Variants in CTBP2 observed in about 807,000 individuals in gnomAD.
CTBP2 encodes the protein C-terminal-binding protein 2.
A neutral mutation model predicts 80.3 loss-of-function variants in CTBP2; 30 were observed. That is an observed-to-expected ratio of 0.37 (90% CI 0.28 to 0.51). CTBP2 has a LOEUF of 0.51. Among genes scored for constraint, CTBP2 ranks in the 20% least tolerant of loss-of-function variants. CTBP2 has a pLI of 0.93. For synonymous variants in CTBP2, 594 were observed against 587.4 expected, an observed-to-expected ratio of 1.01 and a Z score of -0.16; for missense variants, 1,212 against 1,375.3, an observed-to-expected ratio of 0.88 and a Z score of 1.88.
chr10:125,045,431 CTA>C (rs35126176), intron 2 of CTBP2, among the ~76,000 whole-genome samples: 10,170 of 152,168 alleles, frequency 0.067, 451 homozygotes, highest in South Asian at 0.18. Context: ...GTCTGACTTC[CTA>C]TACACTACCA....
intron 6 of CTBP2, among the ~76,000 whole-genome samples, chr10:124,993,625 C>T (rs576268141): frequency 6.6e-6 from 1 of 152,230 alleles, no homozygotes; most frequent in South Asian, 2.1e-4. Context: ...CACTGCCACA[C>T]CCCCACCAAT....
At chr10:124,992,303 C>T (rs1173466898) in intron 8 of CTBP2, among the ~76,000 whole-genome samples, 6 of 145,150 alleles carry the variant, frequency 4.1e-5, no homozygotes, top group African/African-American at 7.6e-5. Context: ...TGGGTGATCT[C>T]GGCTCACTGC....
chr10:125,082,619 G>A (rs957488222), intron 2 of CTBP2, among the ~76,000 whole-genome samples: 1 of 122,986 alleles, frequency 8.1e-6, no homozygotes, highest in Non-Finnish European at 1.6e-5. Flanking sequence ...AAACAGTCTT[G>A]CTCTGTCGCC....
intron 1 of CTBP2, among the ~76,000 whole-genome samples, chr10:125,112,630 T>C (rs1259142230): frequency 5.9e-5 from 9 of 151,700 alleles, no homozygotes; most frequent in South Asian, 2.1e-4. Context: ...GGTTTCACCA[T>C]GTTGGTCAGG....
rs111673946 is a variant in CTBP2 at position 125,116,447 on chromosome 10, G to GC, written c.-205-5355dup. On this transcript the variant is annotated intron_variant, in intron 1 of 10. Coordinates refer to the CTBP2 transcript ENST00000337195. ...TGTCCCACCCTTCTCCCCACACTCT[G>GC]CCCCTCCTCCCAACACTCTGGCCCC... Among the ~76,000 whole-genome samples the GC allele has an allele frequency of 6.8e-3, 1,039 of 152,108 alleles. 12 individuals are homozygous for GC. Among genetic ancestry groups the GC allele is most frequent in the African/African-American group, 0.023 (939 of 41,480 alleles).
intron 1 of CTBP2, among the ~76,000 whole-genome samples, chr10:125,016,241 T>C (rs531850843): frequency 6.9e-6 from 1 of 145,848 alleles, no homozygotes; most frequent in Non-Finnish European, 1.5e-5. Flanking sequence ...GCAAACGCCC[T>C]GGATGTTCCA....
intron 2 of CTBP2, among the ~76,000 whole-genome samples, chr10:125,104,996 TTTTA>T (rs1164746164): frequency 1.3e-5 from 2 of 151,840 alleles, no homozygotes; most frequent in African/African-American, 2.4e-5. Flanking sequence ...AAATCGTTAC[TTTTA>T]TTTATTTATT....
At chr10:125,075,400 T>C (rs1846130417) in intron 2 of CTBP2, among the ~76,000 whole-genome samples, 2 of 152,290 alleles carry the variant, frequency 1.3e-5, no homozygotes, top group South Asian at 2.1e-4. Flanking sequence ...GGGTTCCTTA[T>C]AAAAAGGTGA....
chr10:125,067,828 T>TCC (rs923910561), intron 2 of CTBP2, among the ~76,000 whole-genome samples: 14 of 152,188 alleles, frequency 9.2e-5, no homozygotes, highest in African/African-American at 3.4e-4. Context: ...ATGGTGGGAC[T>TCC]CCCTGACCCG....
chr10:125,082,268 C>T (rs1472581560), intron 2 of CTBP2, among the ~76,000 whole-genome samples: 3 of 152,204 alleles, frequency 2.0e-5, no homozygotes, highest in East Asian at 3.9e-4. Flanking sequence ...TGGACAGCCT[C>T]GCCTTGGAGA....
intron 2 of CTBP2, among the ~76,000 whole-genome samples, chr10:125,082,212 G>A (rs1019146831): frequency 3.0e-4 from 45 of 152,316 alleles, no homozygotes; most frequent in Middle Eastern, 3.4e-3. Context: ...GGCCGGCTCC[G>A]GGACACACTG....
chr10:125,147,959 G>T (rs965417391), intron 1 of CTBP2, among the ~76,000 whole-genome samples: 7 of 152,056 alleles, frequency 4.6e-5, no homozygotes, highest in African/African-American at 1.7e-4. Flanking sequence ...AAAGGCTTTA[G>T]AAACACTACT....
At chr10:125,090,039 G>C (rs1012710919) in intron 2 of CTBP2, among the ~76,000 whole-genome samples, 1 of 152,104 alleles carries the variant, frequency 6.6e-6, no homozygotes, top group African/African-American at 2.4e-5. Flanking sequence ...TGAAGATCAC[G>C]GCCAAAGCTA....
At chr10:125,040,900 A>G (rs1000126451) in intron 2 of CTBP2, among the ~76,000 whole-genome samples, 2 of 152,220 alleles carry the variant, frequency 1.3e-5, no homozygotes, top group African/African-American at 4.8e-5. Flanking sequence ...ACAATTTCCA[A>G]TCACATAAAT....
chr10:125,042,890 C>G (rs539347917), intron 2 of CTBP2, among the ~76,000 whole-genome samples: 7 of 151,780 alleles, frequency 4.6e-5, no homozygotes, highest in South Asian at 2.1e-4. Context: ...CCAAACCGCA[C>G]AAGAAACACT....
At chr10:125,022,954 G>A (rs1449380817) in intron 1 of CTBP2, among the ~76,000 whole-genome samples, 1 of 152,222 alleles carries the variant, frequency 6.6e-6, no homozygotes, top group Non-Finnish European at 1.5e-5. Flanking sequence ...ATTCTGATAG[G>A]GCTAAAATTA....
chr10:125,061,333 C>T (rs141479908), intron 2 of CTBP2, among the ~76,000 whole-genome samples: 1 of 152,306 alleles, frequency 6.6e-6, no homozygotes, highest in Non-Finnish European at 1.5e-5. Flanking sequence ...CAGGGGAAAG[C>T]TCTCGCTGGG....
intron 1 of CTBP2, among the ~76,000 whole-genome samples, chr10:125,140,750 A>C (rs1857668730): frequency 6.6e-6 from 1 of 152,078 alleles, no homozygotes; most frequent in Admixed American, 6.6e-5. Flanking sequence ...TTGAACCCAG[A>C]AGGTGGAGGT....
chr10:125,102,755 T>C (rs1850830957), intron 2 of CTBP2, among the ~76,000 whole-genome samples: 1 of 152,218 alleles, frequency 6.6e-6, no homozygotes, highest in African/African-American at 2.4e-5. Context: ...TCCAGGCCTC[T>C]GAAGGTGAGC....
Sources: allele counts gnomAD v4.1 joint callset (sites outside exome capture counted in the v4.1 genomes callset), GRCh38; gene constraint gnomAD v4.1.1; transcripts MANE v1.5; gene names NCBI Gene and HGNC (gene_info 2026-07-23, HGNC 2026-07-21).